HK1: variants seen among roughly 807,000 people sequenced by gnomAD.
The protein encoded by HK1 is hexokinase-1.
Under a neutral mutation model 91.6 loss-of-function variants are expected in HK1, and 28 were observed. The ratio of observed to expected loss-of-function variants is 0.31; its 90% CI spans 0.23 to 0.42. HK1 has a LOEUF of 0.42. Ranked by LOEUF, HK1 falls within the 10% of genes least tolerant of loss-of-function variation. HK1 has a pLI of 1.00. For synonymous variants in HK1, 430 were observed against 468.1 expected (o/e 0.92, Z 1.05); for missense variants, 770 against 1,219.8 (o/e 0.63, Z 5.49).
At chr10:69,295,011 C>CAGAGAGAGAG (rs3086615) in intron 3 of HK1, among the ~76,000 whole-genome samples, 32 of 125,142 alleles carry the variant, frequency 2.6e-4, no homozygotes, top group Non-Finnish European at 4.6e-4. Flanking sequence ...GCCTGGGCAA[C>CAGAGAGAGAG]AGAGAGAGAG....
At chr10:69,349,566 T>C (rs1313494069) in intron 2 of HK1, among the ~76,000 whole-genome samples, 3 of 152,174 alleles carry the variant, frequency 2.0e-5, no homozygotes, top group African/African-American at 4.8e-5. Context: ...CGCTGGCATC[T>C]CTGTGATGTT....
intron 1 of HK1, among the ~76,000 whole-genome samples, chr10:69,323,075 G>A (rs1463052216): frequency 1.3e-5 from 2 of 151,596 alleles, no homozygotes; most frequent in Admixed American, 6.6e-5. Flanking sequence ...GTGAAATCCC[G>A]TCTCTACTAA....
chr10:69,373,590 T>G (rs1589557573), intron 7 of HK1, among the ~76,000 whole-genome samples: 1 of 139,050 alleles, frequency 7.2e-6, no homozygotes, highest in Non-Finnish European at 1.6e-5. Context: ...TTCCTTGAGG[T>G]TTTTTTTTTT....
At chr10:69,283,489 A>G (rs1844867247) in intron 2 of HK1, among the ~76,000 whole-genome samples, 1 of 150,080 alleles carries the variant, frequency 6.7e-6, no homozygotes, top group South Asian at 2.1e-4. Flanking sequence ...AAAAATAAAA[A>G]TAAAGAGCTG....
chr10:69,343,086 A>G lies in HK1; in HGVS notation c.64-741A>G, dbSNP rs988236680. The stretch of plus-strand genomic sequence containing the variant: ...TGGCACACAGGCCCGGCACATGGGT[A>G]TGGGAGCCCAGGGGCTGTCTCCATT... On this transcript the variant is annotated intron_variant, in intron 1 of 17. Transcript: ENST00000359426. 1.3e-5 allele frequency among the ~76,000 whole-genome samples: 2 copies of G among 152,066 alleles called. 1 individual carries two copies. The highest frequency in any genetic ancestry group is 1.3e-4 in the Admixed American group (2 of 15,282).
Position 69,398,690 on chromosome 10 carries a change from G to A in HK1, c.2471G>A (p.Gly824Glu). The A allele has an allele frequency of 1.2e-6, 2 of 1,614,210 alleles. No individual in the cohort carries two copies. The highest frequency in any genetic ancestry group is 1.7e-6 in the Non-Finnish European group (2 of 1,180,036). The change falls in exon 17 of 18, where the codon GGG becomes GAG. Residue 824 changes from glycine (G) to glutamate (E), a missense_variant. Coordinates refer to ENST00000359426, the MANE Select transcript of HK1 (RefSeq NM_000188.3). ...DDSILVKTVCGVVSRRAAQLC... is the reference protein window; with the variant it reads ...DDSILVKTVCEVVSRRAAQLC... ...AGTATCCTCGTCAAGACAGTGTGCG[G>A]GGTGGTGTCCAGGAGGGCCGCACAG...
At position 69,388,205 on chromosome 10, in the gene HK1, C is replaced by T. The variant is rs555349403; in HGVS notation, c.1936-992C>T. Among the ~76,000 whole-genome samples the T allele has an allele frequency of 1.4e-4, 21 of 152,180 alleles. 1 individual carries two copies. In the South Asian group the frequency reaches 3.9e-3, roughly 29 times the overall value. On this transcript the variant is annotated intron_variant, in intron 13 of 17. Transcript: ENST00000359426. ...CAAGGCAGGAGGAACTTTGGGAGGC[C>T]AAGGCAGGAGGAACGCTTGAGCCCA...
At chr10:69,299,349 G>T (rs975024225) in intron 4 of HK1, among the ~76,000 whole-genome samples, 4 of 145,448 alleles carry the variant, frequency 2.8e-5, no homozygotes, top group Non-Finnish European at 4.5e-5. Context: ...TTGTTTGTTT[G>T]TTTGTGGTTT....
At chr10:69,399,074 C>A (rs1352903041) in intron 17 of HK1, among the ~76,000 whole-genome samples, 3 of 152,158 alleles carry the variant, frequency 2.0e-5, no homozygotes, top group South Asian at 2.1e-4. Flanking sequence ...CATGATGTGA[C>A]CCTCACCCCA....
chr10:69,279,635 G>C (rs1037792529), intron 1 of HK1, among the ~76,000 whole-genome samples: 12 of 152,186 alleles, frequency 7.9e-5, no homozygotes, highest in Non-Finnish European at 1.6e-4. Context: ...GAAGTATTTA[G>C]TACCCATAAC....
chr10:69,336,204 T>G (rs1847972221), intron 1 of HK1, among the ~76,000 whole-genome samples: 1 of 152,238 alleles, frequency 6.6e-6, no homozygotes, highest in African/African-American at 2.4e-5. Flanking sequence ...TTTTGTTGTT[T>G]TTTTGAGATG....
At position 69,340,967 on chromosome 10, in the gene HK1, C is replaced by T. The variant is rs111795411; in HGVS notation, c.64-2860C>T. On this transcript the variant is annotated intron_variant, in intron 1 of 17. Coordinates refer to ENST00000359426, the MANE Select transcript of HK1 (RefSeq NM_000188.3). ...CCTTGCTTGTGCCTGGGCATGCTCTCCAACTTCGCCTCTCCAGGAAGCCTT... is the reference window on the plus strand; with the variant it reads ...CCTTGCTTGTGCCTGGGCATGCTCTTCAACTTCGCCTCTCCAGGAAGCCTT... Among the ~76,000 whole-genome samples, 888 of 152,144 alleles carry T rather than the reference C, an allele frequency of 5.8e-3. 5 individuals are homozygous for T. The highest frequency in any genetic ancestry group is 0.02 in the African/African-American group (831 of 41,488).
At chr10:69,274,099 G>A (rs1056179742) in intron 1 of HK1, among the ~76,000 whole-genome samples, 8 of 152,006 alleles carry the variant, frequency 5.3e-5, no homozygotes, top group Admixed American at 5.2e-4. Context: ...TAAGGTGATG[G>A]ACTGATCACT....
intron 15 of HK1, among the ~76,000 whole-genome samples, chr10:69,393,550 G>A (rs1251411061): frequency 1.3e-5 from 2 of 152,236 alleles, no homozygotes; most frequent in African/African-American, 4.8e-5. Flanking sequence ...GCCCGCCTCA[G>A]CCTCCCAAAG....
chr10:69,302,650 G>T (rs1357352283), intron 5 of HK1, among the ~76,000 whole-genome samples: 1 of 151,668 alleles, frequency 6.6e-6, no homozygotes. Flanking sequence ...AGCTACTTGG[G>T]AGGCTGAGGT....
upstream of HK1, among the ~76,000 whole-genome samples, chr10:69,316,927 T>A (rs961589042): frequency 6.6e-6 from 1 of 152,242 alleles, no homozygotes; most frequent in African/African-American, 2.4e-5. Context: ...CTTGTTCTCA[T>A]TCACTCCATT....
intron 2 of HK1, among the ~76,000 whole-genome samples, chr10:69,347,447 T>A (rs1203764225): frequency 6.6e-6 from 1 of 151,824 alleles, no homozygotes; most frequent in East Asian, 1.9e-4. Flanking sequence ...AGATTTTTTT[T>A]TTTTTTTTAA....
At chr10:69,395,604 T>C (rs1384963837) in intron 16 of HK1, among the ~76,000 whole-genome samples, 4 of 152,206 alleles carry the variant, frequency 2.6e-5, no homozygotes, top group Non-Finnish European at 5.9e-5. Flanking sequence ...AATTACTTAC[T>C]TTCCTTTTAT....
At chr10:69,306,227 G>A (rs898809162) in intron 5 of HK1, among the ~76,000 whole-genome samples, 10 of 151,854 alleles carry the variant, frequency 6.6e-5, no homozygotes, top group South Asian at 2.1e-4. Context: ...GCATTGTGGC[G>A]GGCACCTGTA....
Sources: allele counts gnomAD v4.1 joint callset (sites outside exome capture counted in the v4.1 genomes callset), GRCh38; gene constraint gnomAD v4.1.1; transcripts MANE v1.5; gene names NCBI Gene and HGNC (gene_info 2026-07-23, HGNC 2026-07-21).